Variants in AGBL3 observed in about 807,000 individuals in gnomAD.
AGBL3 encodes the protein cytosolic carboxypeptidase 3.
Under a neutral mutation model 94.5 loss-of-function variants are expected in AGBL3, and 68 were observed. The ratio of observed to expected loss-of-function variants is 0.72; its 90% CI spans 0.59 to 0.88. The LOEUF is 0.88. Ranked by LOEUF, AGBL3 falls within the 40% of genes least tolerant of loss-of-function variation. AGBL3 has a pLI of 0.00. For synonymous variants in AGBL3, 354 were observed against 370.7 expected, an observed-to-expected ratio of 0.95 and a Z score of 0.52; for missense variants, 934 against 1,103.8, an observed-to-expected ratio of 0.85 and a Z score of 2.18.
At position 135,086,890 on chromosome 7, in the gene AGBL3, T is replaced by G. The variant is rs192559173; in HGVS notation, c.2110+5100T>G. ...ATAAGTTTGGAAGAATTTCCTCATC[T>G]TCAATTTTCTAAAAGAGTTTGAGAA... On this transcript the variant is annotated intron_variant, in intron 15 of 16. Coordinates refer to ENST00000436302, the MANE Select transcript of AGBL3 (RefSeq NM_178563.4). Among the ~76,000 whole-genome samples the G allele has an allele frequency of 1.2e-4, 18 of 152,148 alleles. No homozygotes were observed. The East Asian group carries it at 3.5e-3, about 29-fold the overall frequency.
intron 14 of AGBL3, among the ~76,000 whole-genome samples, chr7:135,080,998 A>T (rs1233769969): frequency 6.6e-6 from 1 of 151,860 alleles, no homozygotes. Context: ...CAAAATAATT[A>T]AAAATATAAG....
chr7:134,989,814 T>C (rs1240196163), intron 3 of AGBL3, among the ~76,000 whole-genome samples: 2 of 151,050 alleles, frequency 1.3e-5, no homozygotes, highest in Non-Finnish European at 2.9e-5. Context: ...AAATTGGAGT[T>C]AAGGCCTTTA....
intron 15 of AGBL3, 121 bp from the exon 16 acceptor site, chr7:135,115,259 A>G (rs937743171): frequency 1.7e-6 from 1 of 602,294 alleles, no homozygotes. Context: ...CACTGTCATT[A>G]AAGTACAAGC....
At chr7:135,005,787 A>G (rs919389226) in intron 4 of AGBL3, among the ~76,000 whole-genome samples, 6 of 151,820 alleles carry the variant, frequency 4.0e-5, no homozygotes, top group African/African-American at 7.2e-5. Context: ...GAACCACACA[A>G]ATATTCCCAA....
intron 8 of AGBL3, 96 bp downstream of exon 8, chr7:135,037,676 T>C (rs934376409): frequency 4.4e-6 from 4 of 900,016 alleles, no homozygotes; most frequent in Non-Finnish European, 6.1e-6. Flanking sequence ...TCCAAACTGC[T>C]TTTTTTTTAG....
At chr7:135,076,769 A>G (rs1386126862) in intron 13 of AGBL3, among the ~76,000 whole-genome samples, 1 of 146,300 alleles carries the variant, frequency 6.8e-6, no homozygotes, top group African/African-American at 2.5e-5. Context: ...AGAAAAATTA[A>G]CTGGGAATAT....
chr7:135,047,071 A>C (rs1016441411), intron 11 of AGBL3, among the ~76,000 whole-genome samples: 3 of 151,886 alleles, frequency 2.0e-5, no homozygotes, highest in Non-Finnish European at 2.9e-5. Context: ...CCATTCCCCT[A>C]CCACCCTCTA....
intron 5 of AGBL3, among the ~76,000 whole-genome samples, chr7:135,030,727 G>A (rs1254341428): frequency 1.3e-5 from 2 of 151,478 alleles, no homozygotes; most frequent in South Asian, 2.1e-4. Context: ...TTCTAGATAC[G>A]TCCCCCCATG....
Position 135,034,455 on chromosome 7 carries a change from C to T in AGBL3, c.864C>T (p.His288=). ...FSLTWTFQFP[H]NKDTCYFAHC... ...TTACATGGACATTTCAATTTCCACA[C>T]AACAAAGATACCTGCTACTTTGCTC... is the stretch of plus-strand genomic sequence containing the variant. The change falls in exon 7 of 17, where the codon CAC becomes CAT. Residue 288 remains histidine, a synonymous_variant. Transcript: ENST00000436302. The T allele has an allele frequency of 6.4e-7, 1 of 1,551,814 alleles. No homozygotes were observed. Among genetic ancestry groups the T allele is most frequent in the Non-Finnish European group, 8.7e-7 (1 of 1,147,008 alleles).
At chr7:135,010,141 G>C (rs1317810622) in intron 4 of AGBL3, 1 of 405,386 alleles carries the variant, frequency 2.5e-6, no homozygotes, top group Non-Finnish European at 4.8e-6. Flanking sequence ...CGATTCGCCT[G>C]CTTCAGCCTC....
At chr7:135,000,236 C>T (rs576211058) in intron 4 of AGBL3, among the ~76,000 whole-genome samples, 2 of 152,186 alleles carry the variant, frequency 1.3e-5, no homozygotes, top group Non-Finnish European at 2.9e-5. Context: ...TATGTGTCAG[C>T]TTGACTGGGC....
At chr7:135,081,241 C>T (rs750165065) in intron 14 of AGBL3, among the ~76,000 whole-genome samples, 24 of 152,016 alleles carry the variant, frequency 1.6e-4, no homozygotes, top group South Asian at 6.2e-4. Flanking sequence ...ATTTTAAACG[C>T]GTTCCTATAT....
At chr7:135,027,079 C>T (rs568862102) in intron 5 of AGBL3, among the ~76,000 whole-genome samples, 10 of 151,666 alleles carry the variant, frequency 6.6e-5, no homozygotes, top group Admixed American at 1.3e-4. Context: ...GACAGAGCCT[C>T]GCTCTGTCAC....
chr7:135,060,356 T>C lies in AGBL3; in HGVS notation c.1908+1121T>C, dbSNP rs1818717471. ...ACATTGTGGAATGGTGAAATTGAGC[T>C]AATTAATATATTCATTACCTCACAT... On this transcript the variant is annotated intron_variant, in intron 12 of 16. Coordinates refer to ENST00000436302, the MANE Select transcript of AGBL3 (RefSeq NM_178563.4). Among the ~76,000 whole-genome samples the C allele has an allele frequency of 2.0e-5, 3 of 152,214 alleles. No individual in the cohort carries two copies. The South Asian group carries it at 6.2e-4, about 31-fold the overall frequency.
intron 4 of AGBL3, among the ~76,000 whole-genome samples, chr7:135,002,458 C>T (rs375424449): frequency 3.3e-5 from 5 of 152,092 alleles, no homozygotes; most frequent in East Asian, 3.9e-4. Flanking sequence ...GTATGGAATG[C>T]CCACGTGGCT....
rs898779581 is a variant in AGBL3 at position 135,034,736 on chromosome 7, T to C, written c.1145T>C (p.Leu382Ser). Residue 382 changes from leucine (L) to serine (S), a missense_variant, in exon 7 of 17, where the codon TTA becomes TCA. Leu to Ser is a moderately radical substitution (Grantham distance 145). This residue lies in a region of AGBL3 where 488 missense variants were observed against 563.6 expected (regional missense o/e 0.87). Coordinates refer to ENST00000436302, the MANE Select transcript of AGBL3 (RefSeq NM_178563.4). ...ATGAAAGGCTTCCTAGATTATATTT[T>C]AGGAAACTCAAGTGATGCACAGTTG... ...WIMKGFLDYI[L>S]GNSSDAQLLR... 5.9e-5 allele frequency: 92 copies of C among 1,550,958 alleles called. No individual in the cohort carries two copies. The highest frequency in any genetic ancestry group is 7.6e-5 in the Non-Finnish European group (87 of 1,146,724).
chr7:135,096,217 C>G (rs1822664617), intron 15 of AGBL3, among the ~76,000 whole-genome samples: 1 of 151,904 alleles, frequency 6.6e-6, no homozygotes, highest in African/African-American at 2.4e-5. Context: ...TGAGATAGCA[C>G]TAACTTAATT....
chr7:135,062,836 A>G (rs898973847), intron 12 of AGBL3, among the ~76,000 whole-genome samples: 2 of 151,814 alleles, frequency 1.3e-5, no homozygotes, highest in Non-Finnish European at 2.9e-5. Flanking sequence ...CTTGTAGTTT[A>G]CTTGTCTGGC....
At chr7:135,031,659 A>T (rs769801557) in intron 5 of AGBL3, among the ~76,000 whole-genome samples, 3 of 152,198 alleles carry the variant, frequency 2.0e-5, no homozygotes, top group Non-Finnish European at 4.4e-5. Context: ...GATTTTGTAT[A>T]GAGGCAGGTC....
Sources: gnomAD v4.1 joint callset for allele counts (sites outside exome capture counted in the v4.1 genomes callset) on GRCh38, gnomAD v4.1.1 for gene constraint, gnomAD v4.1.1 regional missense constraint, MANE v1.5 for transcripts, NCBI Gene and HGNC (gene_info 2026-07-23, HGNC 2026-07-21) for gene names.